Variants in SCN10A observed in about 807,000 individuals in gnomAD.
SCN10A encodes the protein sodium voltage-gated channel alpha subunit 10.
Under a neutral mutation model 170.7 loss-of-function variants are expected in SCN10A, and 162 were observed. The ratio of observed to expected loss-of-function variants is 0.95; its 90% CI spans 0.84 to 1.08. SCN10A has a LOEUF of 1.08. Among genes scored for constraint, SCN10A ranks in the 50% least tolerant of loss-of-function variants. The pLI is 0.00. For missense variants in SCN10A, 2,527 were observed against 2,436.9 expected (o/e 1.04, Z -0.78); for synonymous variants, 985 against 904.6 (o/e 1.09, Z -1.59).
chr3:38,754,674 G>A (rs2063783868), intron 11 of SCN10A, among the ~76,000 whole-genome samples: 1 of 152,168 alleles, frequency 6.6e-6, no homozygotes, highest in African/African-American at 2.4e-5. Flanking sequence ...GAAAGAGGAG[G>A]GCACAGATGC....
chr3:38,708,854 T>A (rs1207188406), intron 25 of SCN10A, among the ~76,000 whole-genome samples: 1 of 152,222 alleles, frequency 6.6e-6, no homozygotes, highest in Non-Finnish European at 1.5e-5. Context: ...TGTAGCCCCT[T>A]TTCTCTCGGG....
At chr3:38,713,824 C>A in intron 22 of SCN10A, 134 bp downstream of exon 22, 5 of 980,906 alleles carry the variant, frequency 5.1e-6, no homozygotes, top group Non-Finnish European at 7.5e-6. Context: ...GACAGGGTTT[C>A]GGCATGTTGG....
chr3:38,708,757 G>A (rs530821160), intron 25 of SCN10A, among the ~76,000 whole-genome samples: 4 of 152,120 alleles, frequency 2.6e-5, no homozygotes, highest in African/African-American at 4.8e-5. Flanking sequence ...ACTCAGAGGG[G>A]TTTAAAATAT....
At chr3:38,727,190 G>C in intron 16 of SCN10A, 138 bp from the exon 17 acceptor site, 1 of 752,112 alleles carries the variant, frequency 1.3e-6, no homozygotes, top group Non-Finnish European at 2.1e-6. Context: ...GTCCCTTTTG[G>C]GGGAATGGAC....
Position 38,750,178 on chromosome 3 carries a change from C to T in SCN10A, c.1762G>A (p.Asp588Asn), listed in dbSNP as rs747486328. 2.0e-5 allele frequency: 32 copies of T among 1,604,534 alleles called. No homozygotes were observed. The highest frequency in any genetic ancestry group is 1.7e-4 in the Admixed American group (10 of 59,848). ...AAGAAAGTCTTCTTTTGTCCTGCAT[C>T]GAATGCCTGTTGAGACACAAACAGA... Reference protein sequence around the residue: ...APGAVDVSAFDAGQKKTFLSA... With the variant: ...APGAVDVSAFNAGQKKTFLSA... Residue 588 changes from aspartate to asparagine, a missense_variant, in exon 13 of 28, where the codon GAT becomes AAT. Transcript: ENST00000449082.
intron 8 of SCN10A, 127 bp from the exon 9 acceptor site, chr3:38,757,286 G>T (rs556127297): frequency 1.1e-5 from 10 of 898,186 alleles, no homozygotes; most frequent in Non-Finnish European, 1.7e-5. Context: ...TTATTAGCAG[G>T]ATGATCTTGG....
In SCN10A at chr3:38,759,494, G is replaced by A. The variant is rs540629515; in HGVS notation, c.950+1187C>T. On this transcript the variant is annotated intron_variant, in intron 8 of 27. Coordinates refer to ENST00000449082, the MANE Select transcript of SCN10A (RefSeq NM_006514.4). The stretch of plus-strand genomic sequence containing the variant: ...CCTACTTTCTCTCTTGCCTCACACC[G>A]CCACCTCACTGTGTTTGCCCAGCCT... 8.8e-4 allele frequency among the ~76,000 whole-genome samples: 134 copies of A among 152,038 alleles called. 1 individual carries two copies. The highest frequency in any genetic ancestry group is 6.8e-3 in the Middle Eastern group (2 of 294).
chr3:38,709,596 C>A lies in SCN10A; in HGVS notation c.4163G>T (p.Trp1388Leu), dbSNP rs1280393125. The change falls in exon 25 of 28, where the codon TGG becomes TTG. Residue 1388 changes from tryptophan to leucine, a missense_variant. By Grantham distance (61) the Trp-to-Leu change is moderately conservative (BLOSUM62 -2). Coordinates refer to ENST00000449082, the MANE Select transcript of SCN10A (RefSeq NM_006514.4). ...DSREVNMQPK[W>L]EDNVYMYLYF... Reference sequence around the variant, plus strand: ...CAAATACATGTACACGTTGTCCTCCCACTTGGGTTGCATGTTGACCTGTGA... The same window carrying A: ...CAAATACATGTACACGTTGTCCTCCAACTTGGGTTGCATGTTGACCTGTGA... 5 of 1,606,158 alleles carry A rather than the reference C, an allele frequency of 3.1e-6. 1 individual carries two copies. The highest frequency in any genetic ancestry group is 3.3e-4 in the Middle Eastern group (2 of 6,040).
chr3:38,728,815 G>T lies in SCN10A; in HGVS notation c.2367C>A (p.Asn789Lys), dbSNP rs770046573. The T allele has an allele frequency of 9.1e-5, 147 of 1,614,038 alleles. No individual in the cohort carries two copies. Among genetic ancestry groups the T allele is most frequent in the African/African-American group, 1.6e-4 (12 of 74,900 alleles). Residue 789 changes from asparagine to lysine, a missense_variant, in exon 16 of 28, where the codon AAC becomes AAA. By Grantham distance (94) the Asn-to-Lys change is moderately conservative. Transcript: ENST00000449082. ...IIGNSVGALG[N>K]LTIILAIIVF... ...CAATGATGGCCAGGATGATGGTGAG[G>T]TTCCCCAGTGCCCCCACTGAGTTTC... is the stretch of plus-strand genomic sequence containing the variant.
chr3:38,744,908 C>T (rs1484378540), intron 13 of SCN10A, among the ~76,000 whole-genome samples: 3 of 152,186 alleles, frequency 2.0e-5, no homozygotes, highest in African/African-American at 4.8e-5. Flanking sequence ...GTTTTAATCA[C>T]TGACTGGATT....
chr3:38,789,929 A>T (rs2126058299), intron 3 of SCN10A, among the ~76,000 whole-genome samples: 1 of 152,332 alleles, frequency 6.6e-6, no homozygotes. Flanking sequence ...ACTTGAAGAT[A>T]AACTTGACCT....
At chr3:38,751,001 T>G (rs912579995) in intron 12 of SCN10A, among the ~76,000 whole-genome samples, 1 of 152,244 alleles carries the variant, frequency 6.6e-6, no homozygotes, top group Non-Finnish European at 1.5e-5. Flanking sequence ...CCTTCTCCAC[T>G]GTCTCTGTTC....
intron 1 of SCN10A, among the ~76,000 whole-genome samples, chr3:38,806,585 A>C (rs2064406758): frequency 1.3e-5 from 2 of 152,244 alleles, no homozygotes; most frequent in Admixed American, 1.3e-4. Flanking sequence ...CATTTCTGTA[A>C]TTTGTAAACT....
In SCN10A at chr3:38,698,388, C is replaced by T; in HGVS notation, c.4832G>A (p.Gly1611Glu). Residue 1611 changes from glycine to glutamate, a missense_variant, in exon 28 of 28, where the codon GGG becomes GAG. Transcript: ENST00000449082. ...GAACATGACAAGGAATAGCAACAGC[C>T]CGATGTTGAAGAGGGCAGGCAGGGA... ...MMSLPALFNIGLLLFLVMFIY... is the reference protein window; with the variant it reads ...MMSLPALFNIELLLFLVMFIY... The T allele has an allele frequency of 6.2e-7, 1 of 1,614,116 alleles. No individual in the cohort carries two copies. The highest frequency in any genetic ancestry group is 8.5e-7 in the Non-Finnish European group (1 of 1,180,038).
chr3:38,793,263 G>A (rs749749377), intron 2 of SCN10A, among the ~76,000 whole-genome samples: 7 of 152,106 alleles, frequency 4.6e-5, no homozygotes, highest in Admixed American at 6.6e-5. Flanking sequence ...TTACATCCAA[G>A]TATTGTTATA....
chr3:38,814,200 T>C (rs941602647), intron 1 of SCN10A, among the ~76,000 whole-genome samples: 17 of 152,044 alleles, frequency 1.1e-4, no homozygotes, highest in Admixed American at 6.5e-5. Flanking sequence ...GGGCAGAAAG[T>C]GATTGTGCAG....
Position 38,723,472 on chromosome 3 carries a change from G to A in SCN10A, c.3310C>T (p.Leu1104=). The A allele has an allele frequency of 2.5e-6, 4 of 1,614,176 alleles. No homozygotes were observed. The highest frequency in any genetic ancestry group is 3.4e-6 in the Non-Finnish European group (4 of 1,180,008). The part of the protein sequence containing the change: ...PEEILRKIPE[L]ADDLEEPDDC... The stretch of plus-strand genomic sequence containing the variant: ...TCTGGTTCTTCCAGGTCATCTGCCA[G>A]CTCAGGGATCTTCCTCAGGATTTCC... The change falls in exon 19 of 28, where the codon CTG becomes TTG. Residue 1104 remains leucine, a synonymous_variant. Coordinates refer to ENST00000449082, the MANE Select transcript of SCN10A (RefSeq NM_006514.4).
rs560552548 is a variant in SCN10A at position 38,813,082 on chromosome 3, A to G, written c.-33+2955T>C. Among the ~76,000 whole-genome samples the G allele has an allele frequency of 2.6e-4, 40 of 152,170 alleles. No homozygotes were observed. The South Asian group carries it at 7.5e-3, about 28-fold the overall frequency. The stretch of plus-strand genomic sequence containing the variant: ...CTACCTGTTATTCACAACCTCCCTC[A>G]ATTCCCCTTTTTCTGAAGCATTCTC... On this transcript the variant is annotated intron_variant, in intron 1 of 27. Coordinates refer to ENST00000449082, the MANE Select transcript of SCN10A (RefSeq NM_006514.4).
chr3:38,737,781 C>T (rs1008612340), intron 15 of SCN10A, among the ~76,000 whole-genome samples: 25 of 52,020 alleles, frequency 4.8e-4, no homozygotes, highest in South Asian at 7.7e-4. Flanking sequence ...TCTCTCTCTC[C>T]CTCCCTCCCT....
Sources: gnomAD v4.1 joint callset for allele counts (sites outside exome capture counted in the v4.1 genomes callset) on GRCh38, gnomAD v4.1.1 for gene constraint, MANE v1.5 for transcripts, NCBI Gene and HGNC (gene_info 2026-07-23, HGNC 2026-07-21) for gene names.